The following DNAI7 variants were observed in gnomAD, a reference collection of about 807,000 sequenced individuals.
DNAI7 encodes the protein dynein axonemal intermediate chain 7.
DNAI7 carries 78 observed loss-of-function variants against 86.6 expected under a neutral mutation model. That is an observed-to-expected ratio of 0.90 (90% CI 0.75 to 1.09). DNAI7 has a LOEUF of 1.09. Ranked by LOEUF, DNAI7 falls within the 50% of genes least tolerant of loss-of-function variation. The pLI is 0.00. For synonymous variants in DNAI7, 274 were observed against 273.0 expected (o/e 1.00, Z -0.04); for missense variants, 753 against 810.2 (o/e 0.93, Z 0.86).
At chr12:25,133,169 T>C (rs905552774) in intron 9 of DNAI7, among the ~76,000 whole-genome samples, 5 of 151,560 alleles carry the variant, frequency 3.3e-5, no homozygotes, top group Admixed American at 6.6e-5. Context: ...TTTTTTTTTT[T>C]AGTCTTTAGG....
At position 25,123,246 on chromosome 12, in the gene DNAI7, C is replaced by T. The variant is rs146302457; in HGVS notation, c.1043G>A (p.Arg348Gln). ...AGTTTCACTTAATACTTTCATCTCTCGTTCACATTTTATGGCTTCAGATTC... is the reference window on the plus strand; with the variant it reads ...AGTTTCACTTAATACTTTCATCTCTTGTTCACATTTTATGGCTTCAGATTC... ...EEESEAIKCE[R>Q]EMKVLSETVS... The change falls in exon 10 of 16, where the codon CGA (arginine) becomes CAA (glutamine). Residue 348 changes from arginine to glutamine, a missense_variant. Arg to Gln is a conservative substitution (Grantham distance 43, BLOSUM62 1). Coordinates refer to ENST00000395987, the MANE Select transcript of DNAI7 (RefSeq NM_018272.5). 4.2e-5 allele frequency: 67 copies of T among 1,606,698 alleles called. No individual in the cohort carries two copies. The African/African-American group carries it at 5.2e-4, about 13-fold the overall frequency.
At chr12:25,142,848 T>G (rs1486643321) in intron 9 of DNAI7, among the ~76,000 whole-genome samples, 1 of 152,192 alleles carries the variant, frequency 6.6e-6, no homozygotes, top group African/African-American at 2.4e-5. Flanking sequence ...GAAATGAGTT[T>G]GTCATGTCTA....
chr12:25,139,352 A>G (rs896794668), intron 9 of DNAI7, among the ~76,000 whole-genome samples: 1 of 152,196 alleles, frequency 6.6e-6, no homozygotes, highest in Non-Finnish European at 1.5e-5. Context: ...TCCTTCCTAA[A>G]TCGTTCCACG....
Position 25,114,837 on chromosome 12 carries a change from A to C in DNAI7, c.1430T>G (p.Val477Gly). Residue 477 changes from valine to glycine, a missense_variant, in exon 13 of 16, where the codon GTA (valine) becomes GGA (glycine). Transcript: ENST00000395987. ...AAGTCTTTCTTTTGGTTTGTAGGAT[A>C]CATTGCTGATGCCATCAGTTCTCCA... ...KHWRTDGISN[V>G]SYKPKERLVT... 6.2e-7 allele frequency: 1 copy of C among 1,614,030 alleles called. No homozygotes were observed. Among genetic ancestry groups the C allele is most frequent in the Non-Finnish European group, 8.5e-7 (1 of 1,179,890 alleles).
At chr12:25,152,498 C>T (rs1196692339) in intron 6 of DNAI7, among the ~76,000 whole-genome samples, 2 of 152,264 alleles carry the variant, frequency 1.3e-5, no homozygotes, top group African/African-American at 2.4e-5. Context: ...GGAAGCTCTA[C>T]ACTCCTCCCT....
At chr12:25,149,251 A>C (rs752377750) in intron 7 of DNAI7, among the ~76,000 whole-genome samples, 7 of 152,192 alleles carry the variant, frequency 4.6e-5, no homozygotes, top group Non-Finnish European at 7.3e-5. Flanking sequence ...ATTACTTTTA[A>C]TAGCAAATAG....
chr12:25,149,849 C>G (rs772230360), intron 6 of DNAI7, 75 bp from the exon 7 acceptor site: 8 of 888,450 alleles, frequency 9.0e-6, no homozygotes, highest in Admixed American at 7.8e-5. Flanking sequence ...AATGTTTTAT[C>G]CCTTTTGAAT....
At chr12:25,154,556 C>A in intron 5 of DNAI7, 100 bp from the exon 6 acceptor site, 1 of 1,189,528 alleles carries the variant, frequency 8.4e-7, no homozygotes, top group Non-Finnish European at 1.2e-6. Context: ...CTAGTTTAAC[C>A]AACTTAGATA....
At chr12:25,129,072 C>A (rs781305559) in intron 9 of DNAI7, among the ~76,000 whole-genome samples, 21 of 152,174 alleles carry the variant, frequency 1.4e-4, no homozygotes, top group Non-Finnish European at 2.6e-4. Flanking sequence ...CCTTCCTTCT[C>A]ACTTCTGTTT....
chr12:25,183,039 A>G (rs1034604778), intron 2 of DNAI7, among the ~76,000 whole-genome samples: 2 of 152,096 alleles, frequency 1.3e-5, no homozygotes, highest in African/African-American at 4.8e-5. Flanking sequence ...GTACATATAC[A>G]TCATAGCATA....
chr12:25,157,401 A>T (rs1442777092), intron 4 of DNAI7, among the ~76,000 whole-genome samples: 2 of 151,924 alleles, frequency 1.3e-5, no homozygotes, highest in Non-Finnish European at 1.5e-5. Flanking sequence ...GATTTTCCTT[A>T]TATGCTTCAT....
chr12:25,174,426 T>TCC lies in DNAI7; in HGVS notation c.22-13230_22-13229insGG, dbSNP rs1948597246. 1.5e-4 allele frequency among the ~76,000 whole-genome samples: 4 copies of TCC among 26,940 alleles called. 2 individuals are homozygous for TCC. The highest frequency in any genetic ancestry group is 4.7e-4 in the African/African-American group (2 of 4,254). The allele number at this position is 26,940 out of a possible 152,430, so 17.7% of individuals were successfully genotyped here. A position where few individuals can be genotyped will look rare whatever the true frequency, so the allele number is the denominator to read the frequency against. ...ATATGGGATATATGGGATATATATATCATATATATCATATATATGGGATAT... is the reference window on the plus strand; with the variant it reads ...ATATGGGATATATGGGATATATATATCCCATATATATCATATATATGGGATAT... On this transcript the variant is annotated intron_variant, in intron 2 of 15. Coordinates refer to ENST00000395987, the MANE Select transcript of DNAI7 (RefSeq NM_018272.5).
intron 9 of DNAI7, among the ~76,000 whole-genome samples, chr12:25,133,239 A>G (rs895731341): frequency 3.0e-4 from 46 of 151,388 alleles, no homozygotes; most frequent in African/African-American, 1.1e-3. Flanking sequence ...ACCAATTGTT[A>G]TATCAAACTC....
At chr12:25,158,896 A>G (rs1214613193) in intron 3 of DNAI7, among the ~76,000 whole-genome samples, 1 of 152,246 alleles carries the variant, frequency 6.6e-6, no homozygotes, top group Non-Finnish European at 1.5e-5. Flanking sequence ...ATGAGATACC[A>G]TCTCACACCA....
At chr12:25,188,159 T>C (rs1383368558) in intron 2 of DNAI7, among the ~76,000 whole-genome samples, 1 of 152,218 alleles carries the variant, frequency 6.6e-6, no homozygotes, top group Non-Finnish European at 1.5e-5. Context: ...AAGATACTAT[T>C]ATAAGACACA....
chr12:25,192,814 A>T (rs898702481), intron 1 of DNAI7: 1 of 143,466 alleles, frequency 7.0e-6, no homozygotes, highest in Non-Finnish European at 1.5e-5. Flanking sequence ...AGCCTGGGCA[A>T]CAGAGCGAAA....
At chr12:25,153,156 G>A (rs929776718) in intron 6 of DNAI7, among the ~76,000 whole-genome samples, 1 of 152,058 alleles carries the variant, frequency 6.6e-6, no homozygotes, top group Admixed American at 6.6e-5. Flanking sequence ...TCTTGGCTAG[G>A]TGCAGTGGTA....
intron 11 of DNAI7, 40 bp from the exon 12 acceptor site, chr12:25,119,341 G>A (rs1260146533): frequency 1.3e-5 from 19 of 1,407,730 alleles, no homozygotes; most frequent in Non-Finnish European, 1.8e-5. Context: ...TTAGTTGACT[G>A]GTAGCAGTGA....
At chr12:25,154,223 T>A (rs1945889692) in intron 6 of DNAI7, 96 bp downstream of exon 6, 6 of 946,652 alleles carry the variant, frequency 6.3e-6, no homozygotes, top group Non-Finnish European at 9.3e-6. Context: ...AAAGCAGTAG[T>A]GTTATTACTT....
Sources: allele counts gnomAD v4.1 joint callset (sites outside exome capture counted in the v4.1 genomes callset), GRCh38; gene constraint gnomAD v4.1.1; transcripts MANE v1.5; gene names NCBI Gene and HGNC (gene_info 2026-07-23, HGNC 2026-07-21).